STAM: variants seen among roughly 807,000 people sequenced by gnomAD.
The protein encoded by STAM is signal transducing adapter molecule 1.
A neutral mutation model predicts 63.4 loss-of-function variants in STAM; 16 were observed. That is an observed-to-expected ratio of 0.25 (90% CI 0.17 to 0.38). The LOEUF (loss-of-function observed/expected upper bound fraction) is 0.38, where lower values mean the gene tolerates loss of function less well. Among genes scored for constraint, STAM ranks in the 10% least tolerant of loss-of-function variants. The pLI is 1.00. For synonymous variants in STAM, 238 were observed against 223.9 expected, an observed-to-expected ratio of 1.06 and a Z score of -0.56; for missense variants, 636 against 657.1, an observed-to-expected ratio of 0.97 and a Z score of 0.35.
intron 9 of STAM, among the ~76,000 whole-genome samples, chr10:17,703,020 A>G (rs1189025237): frequency 8.3e-5 from 10 of 120,440 alleles, no homozygotes; most frequent in African/African-American, 3.0e-4. Flanking sequence ...AAAAAAAAAA[A>G]AAAAAAAGAA....
chr10:17,692,028 C>T (rs1395593328), intron 5 of STAM, among the ~76,000 whole-genome samples: 1 of 152,168 alleles, frequency 6.6e-6, no homozygotes, highest in Non-Finnish European at 1.5e-5. Context: ...GAGCCCATCT[C>T]ATCTGATTTT....
intron 4 of STAM, among the ~76,000 whole-genome samples, chr10:17,685,515 G>C (rs7908349): frequency 0.12 from 18,634 of 152,160 alleles, 1,239 homozygotes; most frequent in Middle Eastern, 0.29. Flanking sequence ...CAGTCTAAAG[G>C]ATTTATTAGG....
intron 4 of STAM, among the ~76,000 whole-genome samples, chr10:17,687,228 A>T (rs1242582390): frequency 6.6e-6 from 1 of 152,152 alleles, no homozygotes; most frequent in Non-Finnish European, 1.5e-5. Context: ...TAATCGCAGC[A>T]CTTTGGGAGG....
intron 8 of STAM, 43 bp downstream of exon 8, chr10:17,696,912 C>T (rs1554827615): frequency 6.6e-7 from 1 of 1,505,108 alleles, no homozygotes; most frequent in Non-Finnish European, 9.2e-7. Flanking sequence ...TTTTCTAATC[C>T]TTTTCTTAAT....
At position 17,715,005 on chromosome 10, in the gene STAM, T is replaced by C. The variant is rs1170785011; in HGVS notation, c.*225T>C. 9.5e-6 allele frequency: 5 copies of C among 527,238 alleles called. No individual in the cohort carries two copies. Among genetic ancestry groups the C allele is most frequent in the Non-Finnish European group, 1.7e-5 (5 of 291,648 alleles). 32.7% of individuals were successfully genotyped at this position (527,238 alleles called of 1,614,324 possible). Reference sequence around the variant, plus strand: ...GAATGAAACTACTTACAACATTTAATTCCTTTCATAATATGAAAGAATTGA... The same window carrying C: ...GAATGAAACTACTTACAACATTTAACTCCTTTCATAATATGAAAGAATTGA... On this transcript the variant is annotated 3_prime_UTR_variant, in exon 14 of 14. Coordinates refer to ENST00000377524, the MANE Select transcript of STAM (RefSeq NM_003473.4).
At chr10:17,654,075 T>G (rs1487150030) in intron 1 of STAM, among the ~76,000 whole-genome samples, 1 of 152,172 alleles carries the variant, frequency 6.6e-6, no homozygotes, top group African/African-American at 2.4e-5. Flanking sequence ...TGGAGAGCTG[T>G]GTCTTCAACC....
rs140104947 is a variant in STAM at position 17,669,811 on chromosome 10, C to T, written c.125+9263C>T. Among the ~76,000 whole-genome samples the T allele has an allele frequency of 6.7e-4, 102 of 151,668 alleles. 3 individuals carry two copies. The East Asian group carries it at 0.019, about 29-fold the overall frequency. ...CTCCCAGGTTCACACCGTTCTCCTG[C>T]CTCAGCCTCCCCAGTAGCTGGGACT... On this transcript the variant is annotated intron_variant, in intron 2 of 13. Coordinates refer to ENST00000377524, the MANE Select transcript of STAM (RefSeq NM_003473.4).
At chr10:17,649,776 A>G (rs1448964481) in intron 1 of STAM, among the ~76,000 whole-genome samples, 2 of 152,098 alleles carry the variant, frequency 1.3e-5, no homozygotes, top group African/African-American at 4.8e-5. Flanking sequence ...GTTTGTTTTT[A>G]AATCTTTTTT....
intron 7 of STAM, chr10:17,696,270 G>A (rs1358347955): frequency 1.3e-5 from 2 of 151,818 alleles, no homozygotes; most frequent in African/African-American, 4.8e-5. Context: ...GTGCTTGCTA[G>A]CTTTCCATAT....
intron 5 of STAM, among the ~76,000 whole-genome samples, chr10:17,691,332 C>T (rs1835524255): frequency 2.0e-5 from 3 of 152,088 alleles, no homozygotes; most frequent in African/African-American, 4.8e-5. Flanking sequence ...TCCTGGCTAA[C>T]ATGGTGAAAA....
intron 5 of STAM, among the ~76,000 whole-genome samples, chr10:17,689,505 T>A (rs1474184618): frequency 2.6e-5 from 4 of 152,200 alleles, no homozygotes; most frequent in Non-Finnish European, 4.4e-5. Flanking sequence ...AAAATTTTCT[T>A]AAAAAAATTA....
At chr10:17,711,619 T>C (rs1041967916) in intron 13 of STAM, among the ~76,000 whole-genome samples, 1 of 152,190 alleles carries the variant, frequency 6.6e-6, no homozygotes, top group Admixed American at 6.5e-5. Flanking sequence ...AGATGTTCTG[T>C]CACGTCAGAG....
rs566858322 is a variant in STAM, at chr10:17,710,725, C to T, written c.1385+1774C>T. Among the ~76,000 whole-genome samples the T allele has an allele frequency of 5.9e-5, 9 of 152,230 alleles. No homozygotes were observed. The South Asian group carries it at 8.3e-4, about 14-fold the overall frequency. On this transcript the variant is annotated intron_variant, in intron 13 of 13. Coordinates refer to ENST00000377524, the MANE Select transcript of STAM (RefSeq NM_003473.4). ...CACTGTCTTTCACCTCTATAGCCAT[C>T]CTATGTAGCACACAGTTTTACACTG...
intron 6 of STAM, among the ~76,000 whole-genome samples, chr10:17,693,808 G>T (rs1554827105): frequency 6.6e-6 from 1 of 152,036 alleles, no homozygotes; most frequent in Non-Finnish European, 1.5e-5. Context: ...GCACATATAT[G>T]TGACCGTCTC....
At chr10:17,689,126 A>G (rs552262743) in intron 5 of STAM, among the ~76,000 whole-genome samples, 4 of 152,354 alleles carry the variant, frequency 2.6e-5, no homozygotes, top group Admixed American at 2.0e-4. Flanking sequence ...GTCATGTAGA[A>G]AAAAATCAAG....
At position 17,708,673 on chromosome 10, in the gene STAM, T is replaced by G. The variant is rs1554829643; in HGVS notation, c.1210-103T>G. 3 of 1,163,124 alleles carry G rather than the reference T, an allele frequency of 2.6e-6. No homozygotes were observed. The Admixed American group carries it at 8.4e-5, about 33-fold the overall frequency. The allele number at this position is 1,163,124 out of a possible 1,614,324, so 72.1% of individuals were successfully genotyped here. ...TAACTTTGAAAAAAGGATTCCAGAG[T>G]GGTGATTTTTCTTGTTTTTGTAACT... On this transcript the variant is annotated intron_variant, in intron 12 of 13. Transcript: ENST00000377524.
At position 17,651,258 on chromosome 10, in the gene STAM, G is replaced by A. The variant is rs894702354; in HGVS notation, c.40+6879G>A. Among the ~76,000 whole-genome samples the A allele has an allele frequency of 1.3e-5, 2 of 151,992 alleles. 1 individual carries two copies. Among genetic ancestry groups the A allele is most frequent in the African/African-American group, 4.8e-5 (2 of 41,386 alleles). ...TATGCCACTGTGCTCTTCAGGTGTG[G>A]ATCCTCTGGCTTGACATACCTATTT... On this transcript the variant is annotated intron_variant, in intron 1 of 13. Coordinates refer to ENST00000377524, the MANE Select transcript of STAM (RefSeq NM_003473.4).
At chr10:17,708,649 A>G in intron 12 of STAM, 127 bp from the exon 13 acceptor site, 1 of 966,844 alleles carries the variant, frequency 1.0e-6, no homozygotes, top group Non-Finnish European at 1.4e-6. Context: ...TGACAGAAAT[A>G]ACTTTGAAAA....
At chr10:17,687,999 C>T in intron 4 of STAM, 28 bp from the exon 5 acceptor site, 10 of 1,524,084 alleles carry the variant, frequency 6.6e-6, no homozygotes, top group Non-Finnish European at 8.8e-6. Context: ...GAAATTGGTG[C>T]TCTTTTATTT....
Sources: allele counts gnomAD v4.1 joint callset (sites outside exome capture counted in the v4.1 genomes callset), GRCh38; gene constraint gnomAD v4.1.1; transcripts MANE v1.5; gene names NCBI Gene and HGNC (gene_info 2026-07-23, HGNC 2026-07-21).